NEK11: variants seen among roughly 807,000 people sequenced by gnomAD.
The protein encoded by NEK11 is NIMA related kinase 11.
NEK11 carries 72 observed loss-of-function variants against 80.7 expected under a neutral mutation model. That is an observed-to-expected ratio of 0.89 (90% confidence interval 0.74 to 1.08). The LOEUF (loss-of-function observed/expected upper bound fraction) is 1.08, where lower values mean the gene tolerates loss of function less well. Among genes scored for constraint, NEK11 ranks in the 50% least tolerant of loss-of-function variants. NEK11 has a pLI of 0.00. For synonymous variants in NEK11, 251 were observed against 260.7 expected (o/e 0.96, Z 0.36); for missense variants, 764 against 763.6 (o/e 1.00, Z -0.01).
chr3:131,284,528 A>G (rs1308986094), intron 17 of NEK11, among the ~76,000 whole-genome samples: 1 of 152,138 alleles, frequency 6.6e-6, no homozygotes, highest in Non-Finnish European at 1.5e-5. Context: ...TGTCAACTTT[A>G]TTGGATTGAA....
intron 16 of NEK11, among the ~76,000 whole-genome samples, chr3:131,268,864 C>T (rs1316497923): frequency 6.6e-6 from 1 of 152,228 alleles, no homozygotes; most frequent in Non-Finnish European, 1.5e-5. Context: ...GAAGCTGTGC[C>T]ACAGCCTCCC....
chr3:131,229,068 TG>T (rs1429228378), intron 15 of NEK11, among the ~76,000 whole-genome samples: 1 of 152,164 alleles, frequency 6.6e-6, no homozygotes, highest in Non-Finnish European at 1.5e-5. Context: ...AATCATATTT[TG>T]GGGTCATATT....
chr3:131,339,352 C>T (rs1284073658), intron 17 of NEK11, among the ~76,000 whole-genome samples: 1 of 152,174 alleles, frequency 6.6e-6, no homozygotes, highest in Non-Finnish European at 1.5e-5. Flanking sequence ...CCTTAGAAAT[C>T]AGTTAGTCTA....
At chr3:131,065,589 G>C (rs570390379) in intron 3 of NEK11, among the ~76,000 whole-genome samples, 4 of 152,104 alleles carry the variant, frequency 2.6e-5, no homozygotes, top group Admixed American at 2.6e-4. Context: ...TTGAATTGGG[G>C]TGGTGGGGGA....
chr3:131,163,603 A>G (rs138459279), intron 11 of NEK11, among the ~76,000 whole-genome samples: 1 of 152,162 alleles, frequency 6.6e-6, no homozygotes, highest in African/African-American at 2.4e-5. Flanking sequence ...GAATGGGGAA[A>G]TGTTGTCAAA....
At chr3:131,294,336 A>G (rs2096572485) in intron 17 of NEK11, among the ~76,000 whole-genome samples, 1 of 152,052 alleles carries the variant, frequency 6.6e-6, no homozygotes, top group South Asian at 2.1e-4. Context: ...TGTTATTTAG[A>G]AGTGTGTTGT....
intron 5 of NEK11, among the ~76,000 whole-genome samples, chr3:131,123,860 T>C (rs2082819811): frequency 6.6e-6 from 1 of 152,142 alleles, no homozygotes; most frequent in Non-Finnish European, 1.5e-5. Context: ...ACACTCTTAA[T>C]TGCAAATAAC....
intron 3 of NEK11, among the ~76,000 whole-genome samples, chr3:131,060,668 T>C (rs915853514): frequency 1.3e-5 from 2 of 152,210 alleles, no homozygotes; most frequent in African/African-American, 4.8e-5. Context: ...TAGATATCAT[T>C]CATAATTCTG....
In NEK11 at chr3:131,029,904, C is replaced by G. The variant is rs780890178; in HGVS notation, c.170+26C>G. 3.1e-6 allele frequency: 5 copies of G among 1,605,246 alleles called. No individual in the cohort carries two copies. The South Asian group carries it at 5.5e-5, about 18-fold the overall frequency. On this transcript the variant is annotated intron_variant, in intron 3 of 17. Coordinates refer to ENST00000383366, the MANE Select transcript of NEK11 (RefSeq NM_024800.5). ...GTAAGTAAAAATGCTTCCTATGAATCTTGAGTAGGCTGCTTTTTGTTTGCA... is the reference window on the plus strand; with the variant it reads ...GTAAGTAAAAATGCTTCCTATGAATGTTGAGTAGGCTGCTTTTTGTTTGCA...
intron 16 of NEK11, among the ~76,000 whole-genome samples, chr3:131,251,500 A>C (rs974342104): frequency 2.6e-5 from 4 of 152,118 alleles, no homozygotes; most frequent in African/African-American, 9.6e-5. Flanking sequence ...ATTAAAAAGA[A>C]GCTAGATTAT....
intron 7 of NEK11, among the ~76,000 whole-genome samples, chr3:131,138,896 C>A (rs1578936391): frequency 6.6e-6 from 1 of 152,050 alleles, no homozygotes; most frequent in East Asian, 1.9e-4. Context: ...GGAAAGCCTT[C>A]CCAAGGAGGA....
intron 17 of NEK11, among the ~76,000 whole-genome samples, chr3:131,278,937 T>C (rs759629671): frequency 2.0e-5 from 3 of 152,124 alleles, no homozygotes; most frequent in Non-Finnish European, 4.4e-5. Context: ...TTTTAAACTA[T>C]TTAGAAATTC....
At chr3:131,297,692 CT>C (rs1464657922) in intron 17 of NEK11, among the ~76,000 whole-genome samples, 1 of 151,574 alleles carries the variant, frequency 6.6e-6, no homozygotes, top group African/African-American at 2.4e-5. Flanking sequence ...TCAATTTTGG[CT>C]TTTGTTGCCA....
chr3:131,276,454 C>A (rs1386762618), intron 17 of NEK11, among the ~76,000 whole-genome samples: 4 of 152,178 alleles, frequency 2.6e-5, no homozygotes, highest in South Asian at 2.1e-4. Context: ...GCCTTTGTAA[C>A]CCCAAGTCAA....
chr3:131,334,433 C>A (rs1162091521), intron 17 of NEK11, among the ~76,000 whole-genome samples: 2 of 151,506 alleles, frequency 1.3e-5, no homozygotes, highest in African/African-American at 4.9e-5. Context: ...AACAAAGACA[C>A]AACATACCAG....
rs188143728 is a variant in NEK11, at chr3:131,134,992, C to A, written c.647+1036C>A. On this transcript the variant is annotated intron_variant, in intron 7 of 17. Coordinates refer to ENST00000383366, the MANE Select transcript of NEK11 (RefSeq NM_024800.5). ...TAATTAAGTAAATAATTACTGTATG[C>A]AAATCAACATAAATAGTTCTGAGCT... Among the ~76,000 whole-genome samples the A allele has an allele frequency of 2.7e-3, 416 of 152,250 alleles. 2 individuals are homozygous for A. Among genetic ancestry groups the A allele is most frequent in the Middle Eastern group, 0.017 (5 of 294 alleles).
chr3:131,336,199 C>T lies in NEK11; in HGVS notation c.1719-13358C>T, dbSNP rs574683152. On this transcript the variant is annotated intron_variant, in intron 17 of 17. Coordinates refer to ENST00000383366, the MANE Select transcript of NEK11 (RefSeq NM_024800.5). ...CAAAAGAACAAAGCTGGAGGCATCA[C>T]GCTACCTGACTTCAAACTATACTAC... is the stretch of plus-strand genomic sequence containing the variant. Among the ~76,000 whole-genome samples the T allele has an allele frequency of 7.4e-3, 1,132 of 152,282 alleles. 10 individuals carry two copies. The highest frequency in any genetic ancestry group is 0.025 in the African/African-American group (1,030 of 41,562).
intron 14 of NEK11, among the ~76,000 whole-genome samples, chr3:131,209,846 T>C (rs2094555226): frequency 6.6e-6 from 1 of 152,202 alleles, no homozygotes; most frequent in Admixed American, 6.5e-5. Flanking sequence ...TTTATCATTT[T>C]TTATTGTGTC....
chr3:131,185,416 G>A (rs183511952), intron 14 of NEK11, among the ~76,000 whole-genome samples: 42 of 152,234 alleles, frequency 2.8e-4, no homozygotes, highest in Admixed American at 2.8e-3. Context: ...GACAGCACTG[G>A]AGCTCTGAGA....
Sources: allele counts gnomAD v4.1 joint callset (sites outside exome capture counted in the v4.1 genomes callset), GRCh38; gene constraint gnomAD v4.1.1; transcripts MANE v1.5; gene names NCBI Gene and HGNC (gene_info 2026-07-23, HGNC 2026-07-21).